C19orf47: variants seen among roughly 807,000 people sequenced by gnomAD.
C19orf47 encodes the protein chromosome 19 open reading frame 47.
C19orf47 carries 18 observed loss-of-function variants against 32.3 expected under a neutral mutation model. That is an observed-to-expected ratio of 0.56 (90% confidence interval 0.39 to 0.83). C19orf47 has a LOEUF of 0.83. C19orf47 is among the 40% of genes least tolerant of loss of function. The pLI, the probability that C19orf47 is intolerant of heterozygous loss-of-function variation, is 0.00. For missense variants in C19orf47, 484 were observed against 531.6 expected, an observed-to-expected ratio of 0.91 and a Z score of 0.88; for synonymous variants, 202 against 211.1, an observed-to-expected ratio of 0.96 and a Z score of 0.37.
At chr19:40,322,405 G>A (rs1254614302) in intron 8 of C19orf47, 29 bp from the exon 9 acceptor site, 1 of 1,530,466 alleles carries the variant, frequency 6.5e-7, no homozygotes, top group African/African-American at 1.4e-5. Context: ...GGATGAATGA[G>A]TCACTGAGTC....
Position 40,320,424 on chromosome 19 carries a change from C to T in C19orf47, c.*1458G>A, listed in dbSNP as rs8106701. The T allele has an allele frequency of 0.97, 150,263 of 154,694 alleles. 73,008 individuals are homozygous for T. Among genetic ancestry groups the T allele is most frequent in the African/African-American group, 0.98 (40,838 of 41,478 alleles). The allele number at this position is 154,694 out of a possible 1,614,324, so 9.6% of individuals were successfully genotyped here. A position where few individuals can be genotyped will look rare whatever the true frequency, so the allele number is the denominator to read the frequency against. On this transcript the variant is annotated 3_prime_UTR_variant, in exon 9 of 9. Coordinates refer to ENST00000683109, the MANE Select transcript of C19orf47 (RefSeq NM_001256441.2). ...TGCTGGAGGCAGGGCCCACCCTCAC[C>T]CACAGCCACCAGCCTTCTTCCTGTT...
At chr19:40,308,021 T>A in the C19orf47 span, among the ~76,000 whole-genome samples, 1 of 152,008 alleles carries the variant, frequency 6.6e-6, no homozygotes, top group African/African-American at 2.4e-5. Context: ...AACTTGTGGA[T>A]CACACAGCTG....
intron 8 of C19orf47, among the ~76,000 whole-genome samples, chr19:40,322,805 G>A (rs867989499): frequency 6.6e-6 from 1 of 152,222 alleles, no homozygotes; most frequent in African/African-American, 2.4e-5. Flanking sequence ...ACACAGTGAT[G>A]ACCAAGACAG....
intron 1 of C19orf47, among the ~76,000 whole-genome samples, chr19:40,345,517 A>T (rs2078254909): frequency 6.9e-6 from 1 of 144,842 alleles, no homozygotes; most frequent in Non-Finnish European, 1.5e-5. Context: ...TGGGCAATAT[A>T]GCGAGACCCT....
chr19:40,347,080 G>A (rs1386034237), intron 1 of C19orf47, among the ~76,000 whole-genome samples: 1 of 152,134 alleles, frequency 6.6e-6, no homozygotes, highest in Non-Finnish European at 1.5e-5. Context: ...ACACAGTACA[G>A]GTTCTGAACA....
chr19:40,340,033 G>A (rs1182363212), intron 2 of C19orf47, among the ~76,000 whole-genome samples: 3 of 150,382 alleles, frequency 2.0e-5, no homozygotes, highest in Non-Finnish European at 4.4e-5. Context: ...TATGTTCACA[G>A]AATGATTTAT....
the C19orf47 span, among the ~76,000 whole-genome samples, chr19:40,307,483 C>T: frequency 5.3e-5 from 8 of 152,326 alleles, no homozygotes; most frequent in Non-Finnish European, 1.0e-4. Flanking sequence ...ACTGCAACCT[C>T]TGCCTCCTGG....
chr19:40,316,843 G>A (rs73557745), downstream of C19orf47, among the ~76,000 whole-genome samples: 3,723 of 152,240 alleles, frequency 0.024, 143 homozygotes, highest in African/African-American at 0.081. Context: ...GTAATAGCAC[G>A]AGGTAGGAAA....
At chr19:40,307,084 C>CG in the C19orf47 span, among the ~76,000 whole-genome samples, 3 of 145,372 alleles carry the variant, frequency 2.1e-5, no homozygotes, top group African/African-American at 7.5e-5. Flanking sequence ...CCACCGCGCC[C>CG]GGCCCTTTTT....
the C19orf47 span, among the ~76,000 whole-genome samples, chr19:40,308,332 T>C: frequency 6.6e-6 from 1 of 151,620 alleles, no homozygotes; most frequent in Non-Finnish European, 1.5e-5. Flanking sequence ...ATTTTCTGTA[T>C]TTTTAGTAGA....
At chr19:40,303,035 G>T in the C19orf47 span, among the ~76,000 whole-genome samples, 33 of 152,146 alleles carry the variant, frequency 2.2e-4, 1 homozygote, top group African/African-American at 8.0e-4. Context: ...GAGGTCAGGA[G>T]TTCAAGGCCA....
chr19:40,338,727 A>G (rs2078119957), intron 2 of C19orf47, among the ~76,000 whole-genome samples: 1 of 151,884 alleles, frequency 6.6e-6, no homozygotes, highest in South Asian at 2.1e-4. Flanking sequence ...CATGTTGCCT[A>G]GGCTGGTCTC....
chr19:40,345,536 TAA>T (rs55954294), intron 1 of C19orf47, among the ~76,000 whole-genome samples: 18,499 of 110,596 alleles, frequency 0.17, 1,526 homozygotes, highest in Admixed American at 0.22. Flanking sequence ...CTGTCACTGT[TAA>T]AAAAAAAAAA....
chr19:40,309,770 C>T, the C19orf47 span, among the ~76,000 whole-genome samples: 1 of 151,972 alleles, frequency 6.6e-6, no homozygotes, highest in African/African-American at 2.4e-5. Flanking sequence ...ATAAAATATG[C>T]TTAACATCAT....
At chr19:40,313,707 T>G in the C19orf47 span, among the ~76,000 whole-genome samples, 4 of 152,126 alleles carry the variant, frequency 2.6e-5, no homozygotes, top group African/African-American at 9.7e-5. Context: ...TCACTGGGTA[T>G]GATGGCTCAT....
chr19:40,318,829 C>A (rs145546456), downstream of C19orf47, among the ~76,000 whole-genome samples: 545 of 152,290 alleles, frequency 3.6e-3, 3 homozygotes, highest in Middle Eastern at 6.8e-3. Flanking sequence ...TGGGACACTG[C>A]ATGACACACA....
In C19orf47 at chr19:40,321,864, AC is replaced by A. The variant is rs1173657381; in HGVS notation, c.*17del. On this transcript the variant is annotated 3_prime_UTR_variant, in exon 9 of 9. Transcript: ENST00000683109. ...GATGCCCGCAGGCTCTGCTGCCTGC[AC>A]CCCGCCCACAGGTGGGCTAGAAGGT... 6.5e-7 allele frequency: 1 copy of A among 1,544,358 alleles called. No homozygotes were observed. The highest frequency in any genetic ancestry group is 8.7e-7 in the Non-Finnish European group (1 of 1,147,384).
At chr19:40,316,550 T>A (rs760129851), downstream of C19orf47, among the ~76,000 whole-genome samples, 2 of 152,102 alleles carry the variant, frequency 1.3e-5, no homozygotes, top group Non-Finnish European at 2.9e-5. Flanking sequence ...GGCACACAGG[T>A]GGTAGTCAAC....
At chr19:40,296,054 T>A in the C19orf47 span, among the ~76,000 whole-genome samples, 1 of 152,066 alleles carries the variant, frequency 6.6e-6, no homozygotes. Context: ...CCCACTCATG[T>A]AAATTAAATA....
Sources: allele counts gnomAD v4.1 joint callset (sites outside exome capture counted in the v4.1 genomes callset), GRCh38; gene constraint gnomAD v4.1.1; transcripts MANE v1.5; gene names NCBI Gene and HGNC (gene_info 2026-07-23, HGNC 2026-07-21).